ZRANB3: variants seen among roughly 807,000 people sequenced by gnomAD.
ZRANB3 encodes DNA annealing helicase and endonuclease ZRANB3.
Under a neutral mutation model 133.8 loss-of-function variants are expected in ZRANB3, and 125 were observed. The ratio of observed to expected loss-of-function variants is 0.93; its 90% CI spans 0.81 to 1.08. The LOEUF is 1.08. Ranked by LOEUF, ZRANB3 falls within the 50% of genes least tolerant of loss-of-function variation. The pLI is 0.00. For missense variants in ZRANB3, 1,229 were observed against 1,275.5 expected (o/e 0.96, Z 0.56); for synonymous variants, 387 against 432.7 (o/e 0.89, Z 1.31).
chr2:135,268,914 T>C (rs1331810233), intron 11 of ZRANB3, 48 bp downstream of exon 11: 8 of 1,529,104 alleles, frequency 5.2e-6, no homozygotes, highest in Non-Finnish European at 7.1e-6. Flanking sequence ...ACATTGGCTA[T>C]GGTTAATAGT....
intron 2 of ZRANB3, among the ~76,000 whole-genome samples, chr2:135,479,652 C>T (rs1246377037): frequency 2.0e-5 from 3 of 151,466 alleles, no homozygotes; most frequent in Non-Finnish European, 4.4e-5. Context: ...GGTGACAGAG[C>T]GAGACTATCT....
intron 3 of ZRANB3, among the ~76,000 whole-genome samples, chr2:135,380,142 G>T (rs1040119988): frequency 2.6e-5 from 4 of 152,102 alleles, no homozygotes; most frequent in African/African-American, 9.7e-5. Flanking sequence ...CCCAATATAG[G>T]AGCACCCAGA....
At position 135,230,862 on chromosome 2, in the gene ZRANB3, C is replaced by A; in HGVS notation, c.1605G>T (p.Leu535Phe). 1 of 1,599,236 alleles carries A rather than the reference C, an allele frequency of 6.3e-7. No homozygotes were observed. The highest frequency in any genetic ancestry group is 8.5e-7 in the Non-Finnish European group (1 of 1,175,170). Residue 535 changes from leucine to phenylalanine, a missense_variant, in exon 13 of 21, where the codon TTG becomes TTT. Leu to Phe is a conservative substitution (Grantham distance 22, BLOSUM62 0). Coordinates refer to ENST00000264159, the MANE Select transcript of ZRANB3 (RefSeq NM_032143.4). ...FFVPQPKKRQ[L>F]MTSCDESKRF... Reference sequence around the variant, plus strand: ...TCTTTGATTCGTCACAGGAGGTCATCAACTGTCTTTTTTTAGGTTGTGGTA... The same window carrying A: ...TCTTTGATTCGTCACAGGAGGTCATAAACTGTCTTTTTTTAGGTTGTGGTA...
intron 2 of ZRANB3, among the ~76,000 whole-genome samples, chr2:135,397,254 G>C (rs962163845): frequency 2.0e-5 from 3 of 151,874 alleles, no homozygotes; most frequent in Non-Finnish European, 4.4e-5. Context: ...ACCAACGTGG[G>C]CAACATAGCG....
intron 1 of ZRANB3, among the ~76,000 whole-genome samples, chr2:135,510,166 T>C (rs1312526523): frequency 6.6e-6 from 1 of 152,094 alleles, no homozygotes; most frequent in Non-Finnish European, 1.5e-5. Flanking sequence ...AAGTAAGAAA[T>C]ATTCCAATGA....
At chr2:135,443,089 C>G (rs1207984039) in intron 2 of ZRANB3, among the ~76,000 whole-genome samples, 2 of 149,932 alleles carry the variant, frequency 1.3e-5, no homozygotes, top group Non-Finnish European at 3.0e-5. Context: ...GCACTCCAGC[C>G]TAGGCTACAG....
intron 5 of ZRANB3, among the ~76,000 whole-genome samples, chr2:135,346,135 C>T (rs570674871): frequency 6.6e-5 from 10 of 152,292 alleles, no homozygotes; most frequent in African/African-American, 1.4e-4. Flanking sequence ...CTCGCTCTGT[C>T]GCCCAGGCTG....
chr2:135,263,008 C>A (rs1680037952), intron 12 of ZRANB3, among the ~76,000 whole-genome samples: 1 of 151,892 alleles, frequency 6.6e-6, no homozygotes, highest in East Asian at 1.9e-4. Context: ...TCAAAATTTA[C>A]AAATATTAAT....
chr2:135,396,772 A>G (rs1164905526), intron 2 of ZRANB3, among the ~76,000 whole-genome samples: 1 of 152,180 alleles, frequency 6.6e-6, no homozygotes, highest in East Asian at 1.9e-4. Flanking sequence ...ACTATAGTCA[A>G]TAATAATTAA....
chr2:135,391,620 C>T (rs1253694562), intron 2 of ZRANB3, among the ~76,000 whole-genome samples: 1 of 148,016 alleles, frequency 6.8e-6, no homozygotes, highest in Non-Finnish European at 1.5e-5. Context: ...CGCTCTGTTG[C>T]CCAGGCTGGA....
At chr2:135,331,073 A>C (rs6717021) in intron 6 of ZRANB3, among the ~76,000 whole-genome samples, 40,298 of 151,890 alleles carry the variant, frequency 0.27, 8,919 homozygotes, top group African/African-American at 0.59. Flanking sequence ...CTGCTCTGAT[A>C]TTAGTTAAAC....
chr2:135,436,238 G>A (rs1211931817), intron 2 of ZRANB3, among the ~76,000 whole-genome samples: 2 of 152,036 alleles, frequency 1.3e-5, no homozygotes, highest in African/African-American at 2.4e-5. Flanking sequence ...ATTGAACAGG[G>A]AGTTTTTCCC....
Position 135,313,607 on chromosome 2 carries a change from T to C in ZRANB3, c.850-2A>G. 2 of 1,595,326 alleles carry C rather than the reference T, an allele frequency of 1.3e-6. No individual in the cohort carries two copies. Among genetic ancestry groups the C allele is most frequent in the Non-Finnish European group, 1.7e-6 (2 of 1,164,812 alleles). Reference sequence around the variant, plus strand: ...CTCTTCAAAGCTGGTATTCAATTCCTATGTGGGAAAAAATAACACTGTTTA... The same window carrying C: ...CTCTTCAAAGCTGGTATTCAATTCCCATGTGGGAAAAAATAACACTGTTTA... On this transcript the variant is annotated splice_acceptor_variant, in intron 7 of 20. Coordinates refer to ENST00000264159, the MANE Select transcript of ZRANB3 (RefSeq NM_032143.4). LOFTEE classifies it high-confidence loss of function.
chr2:135,404,088 C>CA (rs1687882424), intron 2 of ZRANB3, among the ~76,000 whole-genome samples: 1 of 152,192 alleles, frequency 6.6e-6, no homozygotes, highest in Non-Finnish European at 1.5e-5. Context: ...AGCAACGGAA[C>CA]AAAGCTGGAT....
intron 12 of ZRANB3, among the ~76,000 whole-genome samples, chr2:135,237,929 G>C (rs530021326): frequency 1.3e-5 from 2 of 151,912 alleles, no homozygotes; most frequent in Non-Finnish European, 2.9e-5. Context: ...TACCCTAAAA[G>C]TATAACTAAA....
At chr2:135,507,269 T>G (rs1693230192) in intron 1 of ZRANB3, among the ~76,000 whole-genome samples, 2 of 152,200 alleles carry the variant, frequency 1.3e-5, no homozygotes, top group Admixed American at 1.3e-4. Context: ...ACAGATTTTC[T>G]TTGAGATGGC....
intron 1 of ZRANB3, among the ~76,000 whole-genome samples, chr2:135,512,765 T>C (rs1693522432): frequency 6.6e-6 from 1 of 151,866 alleles, no homozygotes; most frequent in African/African-American, 2.4e-5. Context: ...AAAAGATTTA[T>C]TAGAAAAATT....
intron 6 of ZRANB3, among the ~76,000 whole-genome samples, chr2:135,316,184 A>G (rs192012092): frequency 1.2e-4 from 18 of 152,346 alleles, no homozygotes; most frequent in Admixed American, 3.9e-4. Context: ...ATGCAGATAG[A>G]AAAGTGGTAA....
At chr2:135,286,559 G>A (rs143665517) in intron 8 of ZRANB3, among the ~76,000 whole-genome samples, 17 of 152,252 alleles carry the variant, frequency 1.1e-4, no homozygotes, top group Middle Eastern at 3.4e-3. Context: ...GATTACAGGC[G>A]TGAGCCACTG....
Sources: gnomAD v4.1 joint callset for allele counts (sites outside exome capture counted in the v4.1 genomes callset) on GRCh38, gnomAD v4.1.1 for gene constraint, MANE v1.5 for transcripts, NCBI Gene and HGNC (gene_info 2026-07-23, HGNC 2026-07-21) for gene names.